Variants in WDR6 observed in about 807,000 individuals in gnomAD.
The protein encoded by WDR6 is tRNA (34-2'-O)-methyltransferase regulator WDR6.
In WDR6, 58 loss-of-function variants were observed where a neutral mutation model predicts 85.6. The observed-to-expected ratio is 0.68, with a 90% confidence interval of 0.55 to 0.84. The LOEUF is 0.84. WDR6 is among the 40% of genes least tolerant of loss of function. The pLI is 0.00. For synonymous variants in WDR6, 569 were observed against 582.2 expected, an observed-to-expected ratio of 0.98 and a Z score of 0.33; for missense variants, 1,310 against 1,476.4, an observed-to-expected ratio of 0.89 and a Z score of 1.85.
Position 49,007,756 on chromosome 3 carries a change from A to C in WDR6, c.100+225A>C, listed in dbSNP as rs2106679292. On this transcript the variant is annotated intron_variant, in intron 1 of 5. Transcript: ENST00000608424. This position sits in a 1 kb window ranked among gnomAD's most constrained non-coding sequence, Gnocchi z 5.1. ...TGATGTGGCCGCCGCGGCGCTTCAT[A>C]AACTTCAGCCCGCGTGGAAAGGGCG... The C allele has an allele frequency of 8.3e-7, 1 of 1,208,498 alleles. No individual in the cohort carries two copies. The highest frequency in any genetic ancestry group is 1.1e-6 in the Non-Finnish European group (1 of 941,890). The allele number at this position is 1,208,498 out of a possible 1,614,324, so 74.9% of individuals were successfully genotyped here. A position where few individuals can be genotyped will look rare whatever the true frequency, so the allele number is the denominator to read the frequency against.
At position 49,015,446 on chromosome 3, in the gene WDR6, T is replaced by C; in HGVS notation, c.*158T>C. 1 of 1,423,020 alleles carries C rather than the reference T, an allele frequency of 7.0e-7. No homozygotes were observed. The highest frequency in any genetic ancestry group is 1.3e-5 in the South Asian group (1 of 77,130). The allele number at this position is 1,423,020 out of a possible 1,614,324, so 88.1% of individuals were successfully genotyped here. On this transcript the variant is annotated 3_prime_UTR_variant, in exon 6 of 6. Transcript: ENST00000608424. ...GTGCAGGAGCTGAAGGTGAGTGGAG[T>C]GCTGCCAAGAATATGCCCGACTCCC...
At position 49,007,447 on chromosome 3, in the gene WDR6, G is replaced by A. The variant is rs1180325726; in HGVS notation, c.16G>A (p.Asp6Asn). ...GAGGATCGACATGGACGCTCTCGAG[G>A]ACTACGTTTGGCCGCGGGCAACCTC... Reference protein sequence around the residue: MDALEDYVWPRATSEL... With the variant: MDALENYVWPRATSEL... Residue 6 changes from aspartate (D) to asparagine (N), a missense_variant, in exon 1 of 6, where the codon GAC becomes AAC. Coordinates refer to ENST00000608424, the MANE Select transcript of WDR6 (RefSeq NM_018031.6). The surrounding 1 kb of genome is among the most constrained non-coding windows in gnomAD (Gnocchi z 5.1). 1 of 1,612,206 alleles carries A rather than the reference G, an allele frequency of 6.2e-7. No homozygotes were observed. Among genetic ancestry groups the A allele is most frequent in the South Asian group, 1.1e-5 (1 of 90,732 alleles).
rs750932376 is a variant in WDR6 at position 49,015,273 on chromosome 3, C to T, written c.3351C>T (p.Tyr1117=). The T allele has an allele frequency of 1.2e-6, 2 of 1,610,756 alleles. No individual in the cohort carries two copies. The highest frequency in any genetic ancestry group is 2.2e-5 in the East Asian group (1 of 44,878). The change falls in exon 6 of 6, where the codon TAC becomes TAT. Residue 1117 remains tyrosine, a synonymous_variant. Coordinates refer to ENST00000608424, the MANE Select transcript of WDR6 (RefSeq NM_018031.6). ...CALGGQGLEV[Y]NWYD ...TTGGGGGTCAGGGGCTTGAGGTTTA[C>T]AACTGGTATGACTGAGGTATCCTGC...
chr3:49,011,863 C>G lies in WDR6; in HGVS notation c.329C>G (p.Ser110Cys), dbSNP rs889321166. The change falls in exon 2 of 6, where the codon TCT (serine) becomes TGT (cysteine). Residue 110 changes from serine (S) to cysteine (C), a missense_variant. Ser to Cys is a moderately radical substitution (Grantham distance 112). Transcript: ENST00000608424. ...GGCCACTTCTGGGAGCTTTGGCGCTCTGGCCTGTGGAACATGTCTGACTGG... is the reference window on the plus strand; with the variant it reads ...GGCCACTTCTGGGAGCTTTGGCGCTGTGGCCTGTGGAACATGTCTGACTGG... Reference protein sequence around the residue: ...GQGHFWELWRSGLWNMSDWIW... With the variant: ...GQGHFWELWRCGLWNMSDWIW... The G allele has an allele frequency of 1.2e-6, 2 of 1,614,246 alleles. No individual in the cohort carries two copies. The highest frequency in any genetic ancestry group is 1.7e-6 in the Non-Finnish European group (2 of 1,180,056).
At position 49,014,079 on chromosome 3, in the gene WDR6, A is replaced by G; in HGVS notation, c.2545A>G (p.Asn849Asp). The change falls in exon 2 of 6, where the codon AAT becomes GAT. Residue 849 changes from asparagine to aspartate, a missense_variant. Asn to Asp is a conservative substitution (Grantham distance 23, BLOSUM62 1). Transcript: ENST00000608424. The surrounding 1 kb of genome is among the most constrained non-coding windows in gnomAD (Gnocchi z 4.9). The part of the protein sequence containing the change: ...RLDEYWDRQR[N>D]RHRMVKVDPE... ...AGATGAGTATTGGGACCGGCAACGC[A>G]ATCGGCATCGGATGGTTAAGGTAGA... The G allele has an allele frequency of 6.2e-7, 1 of 1,613,538 alleles. No individual in the cohort carries two copies. Among genetic ancestry groups the G allele is most frequent in the South Asian group, 1.1e-5 (1 of 91,086 alleles).
Position 49,012,952 on chromosome 3 carries a change from G to A in WDR6, c.1418G>A (p.Gly473Asp), listed in dbSNP as rs1368251306. The change falls in exon 2 of 6, where the codon GGC (glycine) becomes GAC (aspartate). Residue 473 changes from glycine (G) to aspartate (D), a missense_variant. Transcript: ENST00000608424. The surrounding 1 kb of genome is among the most constrained non-coding windows in gnomAD (Gnocchi z 4.4). ...CTAGAGATCTCAGCCGCACCCTCTG[G>A]CAAGGCCATCTTTGTCAAGGAACGT... Reference protein sequence around the residue: ...ACLEISAAPSGKAIFVKERCR... With the variant: ...ACLEISAAPSDKAIFVKERCR... The A allele has an allele frequency of 3.1e-6, 5 of 1,613,796 alleles. No individual in the cohort carries two copies. Among genetic ancestry groups the A allele is most frequent in the East Asian group, 2.2e-5 (1 of 44,872 alleles).
chr3:49,010,891 C>T (rs2093010692), intron 1 of WDR6, among the ~76,000 whole-genome samples: 2 of 150,370 alleles, frequency 1.3e-5, no homozygotes, highest in South Asian at 4.2e-4. Flanking sequence ...GTGGTGGGCG[C>T]CTGTAATTCC....
intron 1 of WDR6, among the ~76,000 whole-genome samples, chr3:49,009,786 G>A (rs1303313500): frequency 6.6e-6 from 1 of 150,974 alleles, no homozygotes; most frequent in South Asian, 2.1e-4. Flanking sequence ...GGAGTGCAGT[G>A]GTGCAATCTC....
At chr3:49,009,720 CATTTT>C (rs922187920) in intron 1 of WDR6, among the ~76,000 whole-genome samples, 5 of 151,616 alleles carry the variant, frequency 3.3e-5, no homozygotes, top group African/African-American at 1.2e-4. Flanking sequence ...AAATCCTTCT[CATTTT>C]ATTTTACTTT....
Position 49,013,894 on chromosome 3 carries a change from C to G in WDR6, c.2360C>G (p.Thr787Ser). ...VRAVAVWGIGTPGGPQDPQPG... is the reference protein window; with the variant it reads ...VRAVAVWGIGSPGGPQDPQPG... ...GCTGTGGCTGTGTGGGGCATTGGCA[C>G]CCCAGGTGGCCCTCAGGATCCTCAG... The change falls in exon 2 of 6, where the codon ACC becomes AGC. Residue 787 changes from threonine to serine, a missense_variant. Thr to Ser is a moderately conservative substitution (Grantham distance 58). Coordinates refer to ENST00000608424, the MANE Select transcript of WDR6 (RefSeq NM_018031.6). The surrounding 1 kb of genome is among the most constrained non-coding windows in gnomAD (Gnocchi z 4.6). 1.9e-6 allele frequency: 3 copies of G among 1,613,834 alleles called. No individual in the cohort carries two copies. Among genetic ancestry groups the G allele is most frequent in the Middle Eastern group, 1.6e-4 (1 of 6,062 alleles).
rs764107899 is a variant in WDR6, at chr3:49,012,153, G to T, written c.619G>T (p.Gly207Trp). Residue 207 changes from glycine to tryptophan, a missense_variant, in exon 2 of 6, where the codon GGG (glycine) becomes TGG (tryptophan). Physicochemically the swap from Gly to Trp is radical, Grantham distance 184. Coordinates refer to ENST00000608424, the MANE Select transcript of WDR6 (RefSeq NM_018031.6). This position sits in a 1 kb window ranked among gnomAD's most constrained non-coding sequence, Gnocchi z 4.4. ...TGTAGCACCTGACCGACGAATCAGT[G>T]GGCATGTGGGCATCATCTTCAGCAT... ...KPVAPDRRIS[G>W]HVGIIFSMSY... The T allele has an allele frequency of 6.2e-7, 1 of 1,614,212 alleles. No individual in the cohort carries two copies. The highest frequency in any genetic ancestry group is 8.5e-7 in the Non-Finnish European group (1 of 1,180,040).
In WDR6 at chr3:49,015,120, A is replaced by G. The variant is rs749970284; in HGVS notation, c.3198A>G (p.Gln1066=). 1.2e-6 allele frequency: 2 copies of G among 1,614,006 alleles called. No homozygotes were observed. Among genetic ancestry groups the G allele is most frequent in the South Asian group, 1.1e-5 (1 of 91,086 alleles). The change falls in exon 6 of 6, where the codon CAA becomes CAG. Residue 1066 remains glutamine (Q), a synonymous_variant. Transcript: ENST00000608424. The part of the protein sequence containing the change: ...PSIMVSASID[Q]RLTFWRLGHG... Reference sequence around the variant, plus strand: ...TCATGGTCTCAGCCTCCATTGATCAACGGCTGACCTTCTGGCGTCTGGGGC... The same window carrying G: ...TCATGGTCTCAGCCTCCATTGATCAGCGGCTGACCTTCTGGCGTCTGGGGC...
At chr3:49,009,054 G>T (rs922123951) in intron 1 of WDR6, 6 of 152,296 alleles carry the variant, frequency 3.9e-5, no homozygotes, top group African/African-American at 1.5e-4. Context: ...GCTAATTGTT[G>T]TATTTTTAGT....
chr3:49,007,557 G>A lies in WDR6; in HGVS notation c.100+26G>A, dbSNP rs751378569. The stretch of plus-strand genomic sequence containing the variant: ...GTGAGGCTTGGCTTGAGGCACGCCT[G>A]GTGGAAAGGGGGAAAGAAACAGCGC... On this transcript the variant is annotated intron_variant, in intron 1 of 5. Coordinates refer to ENST00000608424, the MANE Select transcript of WDR6 (RefSeq NM_018031.6). The surrounding 1 kb of genome is among the most constrained non-coding windows in gnomAD (Gnocchi z 5.1). 2.3e-5 allele frequency: 36 copies of A among 1,567,690 alleles called. No homozygotes were observed. In the South Asian group the frequency reaches 3.8e-4, roughly 16 times the overall value.
chr3:49,007,711 CG>C lies in WDR6; in HGVS notation c.100+184del. Reference sequence around the variant, plus strand: ...GGGACGAGGGCCAACCTGAAGAGGGCGGGGCCCGAGAGACAAAGCTGATGTG... The same window carrying C: ...GGGACGAGGGCCAACCTGAAGAGGGCGGGCCCGAGAGACAAAGCTGATGTG... On this transcript the variant is annotated intron_variant, in intron 1 of 5. Transcript: ENST00000608424. This position sits in a 1 kb window ranked among gnomAD's most constrained non-coding sequence, Gnocchi z 5.1. 1.5e-6 allele frequency: 2 copies of C among 1,302,056 alleles called. No homozygotes were observed. The highest frequency in any genetic ancestry group is 3.0e-5 in the African/African-American group (2 of 66,108). The allele number at this position is 1,302,056 out of a possible 1,614,324, so 80.7% of individuals were successfully genotyped here.
Position 49,013,671 on chromosome 3 carries a change from A to G in WDR6, c.2137A>G (p.Ile713Val), listed in dbSNP as rs2093030930. 3.1e-6 allele frequency: 5 copies of G among 1,614,104 alleles called. No homozygotes were observed. The highest frequency in any genetic ancestry group is 3.4e-6 in the Non-Finnish European group (4 of 1,179,988). ...EITCVKRVGT[I>V]TLGPEYGVPS... is the part of the protein sequence containing the mutation. Reference sequence around the variant, plus strand: ...CACTTGTGTAAAGCGTGTGGGCACCATTACCCTGGGGCCTGAATATGGAGT... The same window carrying G: ...CACTTGTGTAAAGCGTGTGGGCACCGTTACCCTGGGGCCTGAATATGGAGT... The change falls in exon 2 of 6, where the codon ATT (isoleucine) becomes GTT (valine). Residue 713 changes from isoleucine (I) to valine (V), a missense_variant. By Grantham distance (29) the Ile-to-Val change is conservative. Transcript: ENST00000608424. The surrounding 1 kb of genome is among the most constrained non-coding windows in gnomAD (Gnocchi z 4.6).
Position 49,015,360 on chromosome 3 carries a change from C to T in WDR6, c.*72C>T, listed in dbSNP as rs1331213481. ...ACAGCATGGAGCAGGGATGGGCTGTCTGTGCCCATGCTCAGCATGCCTTGA... is the reference window on the plus strand; with the variant it reads ...ACAGCATGGAGCAGGGATGGGCTGTTTGTGCCCATGCTCAGCATGCCTTGA... On this transcript the variant is annotated 3_prime_UTR_variant, in exon 6 of 6. Transcript: ENST00000608424. The T allele has an allele frequency of 6.5e-7, 1 of 1,534,402 alleles. No homozygotes were observed. Among genetic ancestry groups the T allele is most frequent in the Admixed American group, 1.7e-5 (1 of 57,856 alleles).
rs1559895798 is a variant in WDR6 at position 49,011,828 on chromosome 3, C to G, written c.294C>G (p.Ser98Arg). 3 of 1,614,080 alleles carry G rather than the reference C, an allele frequency of 1.9e-6. No homozygotes were observed. The highest frequency in any genetic ancestry group is 2.5e-6 in the Non-Finnish European group (3 of 1,180,038). Residue 98 changes from serine (S) to arginine (R), a missense_variant, in exon 2 of 6, where the codon AGC becomes AGG. Coordinates refer to ENST00000608424, the MANE Select transcript of WDR6 (RefSeq NM_018031.6). Reference sequence around the variant, plus strand: ...AGGGACTCCGAGTTGTGAAAATTAGCTGGGGACAGGGCCACTTCTGGGAGC... The same window carrying G: ...AGGGACTCCGAGTTGTGAAAATTAGGTGGGGACAGGGCCACTTCTGGGAGC... ...GSKGLRVVKI[S>R]WGQGHFWELW...
chr3:49,011,807 A>T lies in WDR6; in HGVS notation c.273A>T (p.Gly91=), dbSNP rs535359684. The T allele has an allele frequency of 8.4e-5, 136 of 1,613,870 alleles. 2 individuals are homozygous for T. The South Asian group carries it at 1.4e-3, about 16-fold the overall frequency. ...TGGTGGCTGTGTTTGGAAGCAAGGGACTCCGAGTTGTGAAAATTAGCTGGG... is the reference window on the plus strand; with the variant it reads ...TGGTGGCTGTGTTTGGAAGCAAGGGTCTCCGAGTTGTGAAAATTAGCTGGG... ...EAMVAVFGSK[G]LRVVKISWGQ... The change falls in exon 2 of 6, where the codon GGA becomes GGT. Residue 91 remains glycine, a synonymous_variant. Coordinates refer to ENST00000608424, the MANE Select transcript of WDR6 (RefSeq NM_018031.6).
Sources: gnomAD v4.1 joint callset for allele counts (sites outside exome capture counted in the v4.1 genomes callset) on GRCh38, gnomAD v4.1.1 for gene constraint, Gnocchi (gnomAD v3.1) non-coding constraint, MANE v1.5 for transcripts, NCBI Gene and HGNC (gene_info 2026-07-23, HGNC 2026-07-21) for gene names.